The following NRG1 variants were observed in gnomAD, a reference collection of about 807,000 sequenced individuals.
The protein encoded by NRG1 is neuregulin 1, also known as pro-neuregulin-1, membrane-bound isoform.
In NRG1, 18 loss-of-function variants were observed where a neutral mutation model predicts 63.8. The observed-to-expected ratio is 0.28, with a 90% CI of 0.19 to 0.42. The LOEUF (loss-of-function observed/expected upper bound fraction) is 0.42. NRG1 is among the 10% of genes least tolerant of loss of function. NRG1 has a pLI of 1.00. For synonymous variants in NRG1, 302 were observed against 301.3 expected (o/e 1.00, Z -0.02); for missense variants, 762 against 814.7 (o/e 0.94, Z 0.79).
intron 1 of NRG1, among the ~76,000 whole-genome samples, chr8:31,901,467 T>C (rs1232989327): frequency 6.6e-6 from 1 of 152,204 alleles, no homozygotes; most frequent in Non-Finnish European, 1.5e-5. Context: ...AAGTATTTAG[T>C]CTTCATTCCT....
intron 1 of NRG1, among the ~76,000 whole-genome samples, chr8:32,482,988 G>T (rs149350699): frequency 2.0e-5 from 3 of 152,340 alleles, no homozygotes; most frequent in South Asian, 2.1e-4. Flanking sequence ...GGGACAGGGC[G>T]TTAGACAGCA....
intron 1 of NRG1, among the ~76,000 whole-genome samples, chr8:32,157,137 A>G (rs1408442580): frequency 6.6e-6 from 1 of 150,456 alleles, no homozygotes; most frequent in Non-Finnish European, 1.5e-5. Context: ...TTGGGAAGCC[A>G]AGGCGGGCGG....
intron 1 of NRG1, among the ~76,000 whole-genome samples, chr8:31,802,498 A>C (rs1412208271): frequency 6.6e-6 from 1 of 152,060 alleles, no homozygotes; most frequent in Non-Finnish European, 1.5e-5. Context: ...AGAGACTCCC[A>C]AAAAAAGGCA....
At chr8:32,361,009 G>GT (rs1563359444) in intron 1 of NRG1, among the ~76,000 whole-genome samples, 2 of 152,120 alleles carry the variant, frequency 1.3e-5, no homozygotes. Flanking sequence ...TGCCACTGGT[G>GT]TATGATCTTC....
chr8:32,472,117 G>C (rs1340463654), intron 1 of NRG1, among the ~76,000 whole-genome samples: 1 of 152,188 alleles, frequency 6.6e-6, no homozygotes, highest in Non-Finnish European at 1.5e-5. Context: ...TACAAAACTG[G>C]TGTAGGGAGA....
intron 5 of NRG1, among the ~76,000 whole-genome samples, chr8:32,727,309 A>G (rs755713080): frequency 2.0e-5 from 3 of 152,196 alleles, no homozygotes; most frequent in Non-Finnish European, 2.9e-5. Context: ...CCATTTCCTT[A>G]AAAGTATGAT....
chr8:32,281,321 G>C (rs963944624), intron 1 of NRG1, among the ~76,000 whole-genome samples: 13 of 151,554 alleles, frequency 8.6e-5, no homozygotes, highest in African/African-American at 3.2e-4. Context: ...GGGATGACAG[G>C]CACCTGCCAC....
At chr8:31,846,415 G>T (rs1391653363) in intron 1 of NRG1, among the ~76,000 whole-genome samples, 1 of 152,140 alleles carries the variant, frequency 6.6e-6, no homozygotes, top group Non-Finnish European at 1.5e-5. Context: ...TTCATTACCA[G>T]CCCCTTCCTC....
At position 32,309,313 on chromosome 8, in the gene NRG1, A is replaced by AC. The variant is rs919815394; in HGVS notation, c.38-286508dup. On this transcript the variant is annotated intron_variant, in intron 1 of 10. Coordinates refer to the NRG1 transcript ENST00000519301. ...AACGCTTATGTGCCTGTGGTTTTACACCCCCCCACCCCAAATATCTCCTAG... is the reference window on the plus strand; with the variant it reads ...AACGCTTATGTGCCTGTGGTTTTACACCCCCCCCACCCCAAATATCTCCTAG... Among the ~76,000 whole-genome samples, 41 of 151,252 alleles carry AC rather than the reference A, an allele frequency of 2.7e-4. No homozygotes were observed. In the East Asian group the frequency reaches 4.1e-3, roughly 15 times the overall value.
chr8:32,654,522 G>A (rs556527205), intron 5 of NRG1, among the ~76,000 whole-genome samples: 122 of 152,042 alleles, frequency 8.0e-4, no homozygotes, highest in Non-Finnish European at 1.3e-3. Context: ...CCAGCTACTC[G>A]GGAGGCTGAG....
At chr8:31,797,668 G>A (rs1503498) in intron 1 of NRG1, among the ~76,000 whole-genome samples, 35,386 of 152,074 alleles carry the variant, frequency 0.23, 4,332 homozygotes, top group Admixed American at 0.26. Context: ...ATTTATTACA[G>A]CACTATTATT....
At chr8:31,761,824 A>T (rs896923138) in intron 1 of NRG1, among the ~76,000 whole-genome samples, 2 of 152,348 alleles carry the variant, frequency 1.3e-5, no homozygotes, top group Non-Finnish European at 2.9e-5. Context: ...TGAAGGAAGC[A>T]CATGCTGTTG....
chr8:31,684,532 T>C (rs1808664254), intron 1 of NRG1, among the ~76,000 whole-genome samples: 2 of 152,194 alleles, frequency 1.3e-5, no homozygotes, highest in South Asian at 4.1e-4. Flanking sequence ...AGGTATTTTG[T>C]TATGCAGAAG....
chr8:32,698,406 G>A (rs1412687725), intron 5 of NRG1, among the ~76,000 whole-genome samples: 1 of 152,168 alleles, frequency 6.6e-6, no homozygotes, highest in Non-Finnish European at 1.5e-5. Flanking sequence ...AGTCATGCAG[G>A]CAGACAGGGT....
At chr8:32,344,030 G>A (rs371667524) in intron 1 of NRG1, among the ~76,000 whole-genome samples, 3 of 152,270 alleles carry the variant, frequency 2.0e-5, no homozygotes, top group East Asian at 3.9e-4. Flanking sequence ...TCATAGACAG[G>A]CTGTTGTAAA....
intron 1 of NRG1, among the ~76,000 whole-genome samples, chr8:32,007,674 T>C (rs1221016058): frequency 1.3e-5 from 2 of 152,046 alleles, no homozygotes; most frequent in African/African-American, 4.8e-5. Flanking sequence ...TTTTTTACAC[T>C]GAGCTATGTC....
chr8:32,604,713 G>T (rs1454907712), intron 2 of NRG1, among the ~76,000 whole-genome samples: 1 of 152,046 alleles, frequency 6.6e-6, no homozygotes, highest in African/African-American at 2.4e-5. Flanking sequence ...GATTCCAGGG[G>T]CATGCCACCA....
chr8:32,063,724 T>C (rs1460892264), intron 1 of NRG1, among the ~76,000 whole-genome samples: 1 of 152,138 alleles, frequency 6.6e-6, no homozygotes, highest in Non-Finnish European at 1.5e-5. Context: ...CCATCAATGA[T>C]TAGGAGAAAC....
chr8:32,363,840 T>A (rs1807570939), intron 1 of NRG1, among the ~76,000 whole-genome samples: 1 of 151,576 alleles, frequency 6.6e-6, no homozygotes, highest in Non-Finnish European at 1.5e-5. Flanking sequence ...TTGCCAGGGG[T>A]TGGGATTGGG....
Sources: allele counts gnomAD v4.1 joint callset (sites outside exome capture counted in the v4.1 genomes callset), GRCh38; gene constraint gnomAD v4.1.1; transcripts MANE v1.5; gene names NCBI Gene and HGNC (gene_info 2026-07-23, HGNC 2026-07-21).